CSMD3: variants seen among roughly 807,000 people sequenced by gnomAD.
CSMD3 encodes CUB and sushi domain-containing protein 3.
A neutral mutation model predicts 435.2 loss-of-function variants in CSMD3; 177 were observed. That is an observed-to-expected ratio of 0.41 (90% CI 0.36 to 0.46). CSMD3 has a LOEUF of 0.46. Ranked by LOEUF, CSMD3 falls within the 20% of genes least tolerant of loss-of-function variation. The probability of loss-of-function intolerance (pLI) is 0.34; values close to 1 mark genes in which losing one functional copy is unlikely to be tolerated. For missense variants in CSMD3, 4,265 were observed against 4,504.6 expected (o/e 0.95, Z 1.52); for synonymous variants, 1,656 against 1,520.5 (o/e 1.09, Z -2.07).
chr8:112,237,881 C>G (rs777537533), intron 66 of CSMD3, among the ~76,000 whole-genome samples: 13 of 152,026 alleles, frequency 8.6e-5, no homozygotes, highest in Non-Finnish European at 1.6e-4. Context: ...TGAAGAAGAA[C>G]AGGGCTGCAC....
chr8:113,095,819 C>T (rs1364176494), intron 5 of CSMD3, among the ~76,000 whole-genome samples: 1 of 152,056 alleles, frequency 6.6e-6, no homozygotes, highest in Non-Finnish European at 1.5e-5. Flanking sequence ...GCAAATATTA[C>T]TACATTTTAT....
At chr8:112,681,406 G>A (rs1158034142) in intron 16 of CSMD3, among the ~76,000 whole-genome samples, 3 of 151,952 alleles carry the variant, frequency 2.0e-5, no homozygotes, top group East Asian at 1.9e-4. Context: ...ATAGTGGAAG[G>A]AGAAATTAAA....
chr8:112,641,158 A>G (rs1226438760), intron 20 of CSMD3, among the ~76,000 whole-genome samples: 7 of 152,134 alleles, frequency 4.6e-5, no homozygotes. Context: ...CAATTTCCCA[A>G]AATGAGAGCT....
intron 61 of CSMD3, among the ~76,000 whole-genome samples, chr8:112,261,287 A>T (rs1332079207): frequency 3.9e-5 from 6 of 152,176 alleles, no homozygotes; most frequent in African/African-American, 1.4e-4. Flanking sequence ...TATCTGTTTC[A>T]TTTTTAAAAT....
At chr8:113,039,413 T>C (rs781288081) in intron 5 of CSMD3, among the ~76,000 whole-genome samples, 5 of 152,206 alleles carry the variant, frequency 3.3e-5, no homozygotes, top group Non-Finnish European at 5.9e-5. Flanking sequence ...GAAATTTAAA[T>C]TGTGGTATAC....
chr8:112,888,544 A>G (rs2081679883), intron 10 of CSMD3, among the ~76,000 whole-genome samples: 2 of 151,710 alleles, frequency 1.3e-5, no homozygotes, highest in Admixed American at 6.6e-5. Flanking sequence ...CAATACATGC[A>G]TGTGCCATCC....
chr8:112,940,192 T>G (rs759077489), intron 9 of CSMD3, among the ~76,000 whole-genome samples: 1 of 149,884 alleles, frequency 6.7e-6, no homozygotes, highest in African/African-American at 2.5e-5. Context: ...AGTAGTGTTT[T>G]AATAGTACCA....
At chr8:113,020,491 T>C (rs927835232) in intron 5 of CSMD3, among the ~76,000 whole-genome samples, 1 of 152,150 alleles carries the variant, frequency 6.6e-6, no homozygotes, top group Non-Finnish European at 1.5e-5. Flanking sequence ...ACTTCTACCA[T>C]ATATCTAACC....
At chr8:113,372,139 T>C (rs1201290874) in intron 1 of CSMD3, among the ~76,000 whole-genome samples, 1 of 152,164 alleles carries the variant, frequency 6.6e-6, no homozygotes, top group African/African-American at 2.4e-5. Flanking sequence ...ATTTTAAATA[T>C]TTGGGAGGTC....
At chr8:112,761,803 T>G (rs2077845418) in intron 13 of CSMD3, among the ~76,000 whole-genome samples, 1 of 152,054 alleles carries the variant, frequency 6.6e-6, no homozygotes, top group Admixed American at 6.6e-5. Context: ...TGTATCCATG[T>G]GAGTATATAT....
At chr8:113,278,542 T>A in intron 3 of CSMD3, 50 bp downstream of exon 3, 1 of 854,562 alleles carries the variant, frequency 1.2e-6, no homozygotes. Context: ...TGAAAAATTT[T>A]GTTAGATTAC....
chr8:112,943,078 T>C (rs1048865558), intron 9 of CSMD3, among the ~76,000 whole-genome samples: 12 of 151,736 alleles, frequency 7.9e-5, no homozygotes, highest in Admixed American at 2.0e-4. Context: ...CCTAATTACA[T>C]ATGATAATGA....
intron 13 of CSMD3, among the ~76,000 whole-genome samples, chr8:112,756,802 T>G (rs2077711531): frequency 6.6e-6 from 1 of 150,476 alleles, no homozygotes; most frequent in South Asian, 2.1e-4. Flanking sequence ...GAAGTCTCAC[T>G]GTGTCTCTCA....
chr8:112,556,739 T>C (rs2131223388), intron 25 of CSMD3, 24 bp downstream of exon 25: 1 of 1,568,408 alleles, frequency 6.4e-7, no homozygotes, highest in South Asian at 1.1e-5. Context: ...AAATATTCAA[T>C]GAAAATCTAT....
At chr8:112,922,270 G>T (rs113042908) in intron 9 of CSMD3, among the ~76,000 whole-genome samples, 5,116 of 151,812 alleles carry the variant, frequency 0.034, 144 homozygotes, top group Middle Eastern at 0.051. Flanking sequence ...TATTTATGGG[G>T]TACCTAAGAT....
At chr8:113,372,733 A>T (rs1262594552) in intron 1 of CSMD3, among the ~76,000 whole-genome samples, 1 of 152,128 alleles carries the variant, frequency 6.6e-6, no homozygotes, top group Admixed American at 6.5e-5. Context: ...GGAGATCGAG[A>T]CCATCCTGGC....
At chr8:112,972,565 C>T (rs72682187) in intron 7 of CSMD3, among the ~76,000 whole-genome samples, 14,304 of 151,430 alleles carry the variant, frequency 0.094, 864 homozygotes, top group Middle Eastern at 0.16. Context: ...AATATTGTTG[C>T]CTTTATTTAA....
intron 1 of CSMD3, among the ~76,000 whole-genome samples, chr8:113,406,685 C>A (rs1038138871): frequency 6.6e-6 from 1 of 151,738 alleles, no homozygotes; most frequent in African/African-American, 2.4e-5. Flanking sequence ...TTTTTCTGAT[C>A]TATTGTAATC....
intron 3 of CSMD3, among the ~76,000 whole-genome samples, chr8:113,179,562 G>A (rs1379451265): frequency 6.6e-6 from 1 of 151,652 alleles, no homozygotes; most frequent in Non-Finnish European, 1.5e-5. Flanking sequence ...GTCCCCTATA[G>A]GTGTCATTGA....
Sources: allele counts gnomAD v4.1 joint callset (sites outside exome capture counted in the v4.1 genomes callset), GRCh38; gene constraint gnomAD v4.1.1; transcripts MANE v1.5; gene names NCBI Gene and HGNC (gene_info 2026-07-23, HGNC 2026-07-21).